The following PUM2 variants were observed in gnomAD, a reference collection of about 807,000 sequenced individuals.
PUM2 encodes pumilio homolog 2.
Under a neutral mutation model 124.5 loss-of-function variants are expected in PUM2, and 57 were observed. The ratio of observed to expected loss-of-function variants is 0.46; its 90% CI spans 0.37 to 0.57. The LOEUF (loss-of-function observed/expected upper bound fraction) is 0.57. Ranked by LOEUF, PUM2 falls within the 20% of genes least tolerant of loss-of-function variation. The pLI is 0.00. For missense variants in PUM2, 1,065 were observed against 1,290.6 expected (o/e 0.83, Z 2.68); for synonymous variants, 460 against 446.1 (o/e 1.03, Z -0.39).
In PUM2 at chr2:20,350,724, C is replaced by CCCTCCCCCCCCACCCCACCTCCTCCTTCT; in HGVS notation, c.-175_-147dup. ...CAATGTCTTCTTTCTCCACCTACCA[C>CCCTCCCCCCCCACCCCACCTCCTCCTTCT]CCTCCCCCCCCACCCCACCTCCTCC... is the stretch of plus-strand genomic sequence containing the variant. On this transcript the variant is annotated 5_prime_UTR_variant, in exon 1 of 21. Coordinates refer to ENST00000361078, the MANE Select transcript of PUM2 (RefSeq NM_015317.5). The CCCTCCCCCCCCACCCCACCTCCTCCTTCT allele has an allele frequency of 3.1e-6, 3 of 952,646 alleles. No homozygotes were observed. The highest frequency in any genetic ancestry group is 3.7e-6 in the Non-Finnish European group (3 of 808,838). The allele number at this position is 952,646 out of a possible 1,614,324, so 59.0% of individuals were successfully genotyped here.
intron 1 of PUM2, among the ~76,000 whole-genome samples, chr2:20,347,659 G>A (rs1026715958): frequency 1.3e-5 from 2 of 152,124 alleles, no homozygotes; most frequent in Non-Finnish European, 2.9e-5. Context: ...ACAGAATTCC[G>A]AACTGACTGA....
chr2:20,347,365 T>C (rs949245417), intron 1 of PUM2, among the ~76,000 whole-genome samples: 1 of 152,180 alleles, frequency 6.6e-6, no homozygotes, highest in African/African-American at 2.4e-5. Flanking sequence ...CTCGAGTTAT[T>C]TGAAGAAAAA....
chr2:20,254,360 G>C (rs1664253270), intron 19 of PUM2, among the ~76,000 whole-genome samples: 1 of 152,014 alleles, frequency 6.6e-6, no homozygotes, highest in Admixed American at 6.6e-5. Flanking sequence ...CCTCTATGTT[G>C]TCCAGGCTGA....
Position 20,297,838 on chromosome 2 carries a change from G to A in PUM2, c.884-160C>T, listed in dbSNP as rs568363415. The stretch of plus-strand genomic sequence containing the variant: ...TACTAAGTGACCTTGGGCATGTACC[G>A]CTAACTCTAAATTAGTTTTCATTTA... On this transcript the variant is annotated intron_variant, in intron 7 of 20. Coordinates refer to ENST00000361078, the MANE Select transcript of PUM2 (RefSeq NM_015317.5). 3.9e-5 allele frequency among the ~76,000 whole-genome samples: 6 copies of A among 152,250 alleles called. No homozygotes were observed. The South Asian group carries it at 6.2e-4, about 16-fold the overall frequency.
At chr2:20,281,229 C>G (rs935511848) in intron 12 of PUM2, among the ~76,000 whole-genome samples, 1 of 152,090 alleles carries the variant, frequency 6.6e-6, no homozygotes. Flanking sequence ...GAAGCTCTTA[C>G]AGATTGGAGT....
chr2:20,251,827 AT>A, intron 20 of PUM2, 111 bp from the exon 21 acceptor site: 3 of 1,313,228 alleles, frequency 2.3e-6, no homozygotes, highest in Non-Finnish European at 3.1e-6. Flanking sequence ...ATTAAAAAAA[AT>A]TTAAATCCAA....
At position 20,253,861 on chromosome 2, in the gene PUM2, A is replaced by G; in HGVS notation, c.3024T>C (p.Asp1008=). 1.2e-6 allele frequency: 2 copies of G among 1,613,926 alleles called. No individual in the cohort carries two copies. The highest frequency in any genetic ancestry group is 1.7e-6 in the Non-Finnish European group (2 of 1,179,840). The stretch of plus-strand genomic sequence containing the variant: ...TCTTTCTCTGAGCAGGTTCAGCCAT[A>G]TCAATCATCTTTTGAACCACGTAAT... ...YANYVVQKMI[D]MAEPAQRKII... is the part of the protein sequence containing the mutation. Residue 1008 remains aspartate (D), a synonymous_variant, in exon 20 of 21, where the codon GAT becomes GAC. Transcript: ENST00000361078.
chr2:20,277,241 T>C (rs1670470655), intron 13 of PUM2, among the ~76,000 whole-genome samples: 1 of 152,138 alleles, frequency 6.6e-6, no homozygotes, highest in Non-Finnish European at 1.5e-5. Flanking sequence ...GTTCCAAATT[T>C]TTGTGTCCAT....
At chr2:20,319,029 TATC>T (rs1229978552) in intron 2 of PUM2, among the ~76,000 whole-genome samples, 1 of 152,222 alleles carries the variant, frequency 6.6e-6, no homozygotes, top group African/African-American at 2.4e-5. Context: ...GACCACCTCC[TATC>T]ATATCTTCTA....
chr2:20,329,174 C>CAAAAA lies in PUM2; in HGVS notation c.-18-1801_-18-1797dup, dbSNP rs769818181. On this transcript the variant is annotated intron_variant, in intron 1 of 20. Coordinates refer to ENST00000361078, the MANE Select transcript of PUM2 (RefSeq NM_015317.5). The stretch of plus-strand genomic sequence containing the variant: ...GGGCGACAGAGCAAGACCCTGTCTC[C>CAAAAA]AAAAAAAAAAAAAAAAAAGATAAGA... Among the ~76,000 whole-genome samples, 5 of 63,112 alleles carry CAAAAA rather than the reference C, an allele frequency of 7.9e-5. No individual in the cohort carries two copies. The South Asian group carries it at 2.0e-3, about 25-fold the overall frequency. 41.4% of individuals were successfully genotyped at this position (63,112 alleles called of 152,430 possible). A position where few individuals can be genotyped will look rare whatever the true frequency, so the allele number is the denominator to read the frequency against.
chr2:20,326,152 C>CA (rs547870481), intron 2 of PUM2: 33 of 1,017,108 alleles, frequency 3.2e-5, no homozygotes, highest in South Asian at 9.9e-5. Context: ...ATTTTGTTTA[C>CA]AAAAAAAATT....
chr2:20,322,804 A>C (rs1301500339), intron 2 of PUM2, among the ~76,000 whole-genome samples: 1 of 152,122 alleles, frequency 6.6e-6, no homozygotes, highest in Admixed American at 6.5e-5. Context: ...TCCTGCCTCC[A>C]AAACAAAAAA....
At chr2:20,254,045 G>T (rs764287704) in intron 19 of PUM2, 31 bp from the exon 20 acceptor site, 4 of 1,567,266 alleles carry the variant, frequency 2.6e-6, no homozygotes, top group Non-Finnish European at 3.5e-6. Context: ...ACAAAGATTT[G>T]TTATTTTTTT....
At chr2:20,318,160 A>G (rs1681452383) in intron 3 of PUM2, among the ~76,000 whole-genome samples, 1 of 152,220 alleles carries the variant, frequency 6.6e-6, no homozygotes, top group South Asian at 2.1e-4. Flanking sequence ...CTAGTAGTGT[A>G]TAAGTGGTCC....
chr2:20,327,402 T>C, intron 1 of PUM2, 24 bp from the exon 2 acceptor site: 2 of 1,432,326 alleles, frequency 1.4e-6, no homozygotes, highest in Non-Finnish European at 1.9e-6. Context: ...AAAACAAAAA[T>C]TAGTACAAAG....
chr2:20,283,947 A>T (rs887124277), intron 10 of PUM2, among the ~76,000 whole-genome samples: 2 of 152,358 alleles, frequency 1.3e-5, no homozygotes, highest in Non-Finnish European at 2.9e-5. Context: ...TCATCTCTTT[A>T]AAAACTTAAG....
intron 10 of PUM2, among the ~76,000 whole-genome samples, chr2:20,284,003 A>G (rs1332737102): frequency 2.6e-5 from 4 of 152,232 alleles, no homozygotes; most frequent in Non-Finnish European, 4.4e-5. Context: ...GTTTAATTAA[A>G]AATCACACAG....
intron 16 of PUM2, among the ~76,000 whole-genome samples, chr2:20,257,593 G>A (rs1005872506): frequency 2.0e-5 from 3 of 152,030 alleles, no homozygotes; most frequent in African/African-American, 7.2e-5. Context: ...GCTTCACAGT[G>A]TATTTTAAAA....
At chr2:20,276,301 G>C (rs1166282042) in intron 13 of PUM2, among the ~76,000 whole-genome samples, 3 of 144,478 alleles carry the variant, frequency 2.1e-5, no homozygotes, top group Non-Finnish European at 4.5e-5. Flanking sequence ...TGTTGCTACT[G>C]GGCATTTTCT....
Sources: gnomAD v4.1 joint callset for allele counts (sites outside exome capture counted in the v4.1 genomes callset) on GRCh38, gnomAD v4.1.1 for gene constraint, MANE v1.5 for transcripts, NCBI Gene and HGNC (gene_info 2026-07-23, HGNC 2026-07-21) for gene names.